MEP1A: variants seen among roughly 807,000 people sequenced by gnomAD.
The protein encoded by MEP1A is N-benzoyl-L-tyrosyl-P-amino-benzoic acid hydrolase subunit alpha.
MEP1A carries 68 observed loss-of-function variants against 84.5 expected under a neutral mutation model. The observed-to-expected ratio is 0.80, with a 90% CI of 0.66 to 0.98. The LOEUF (loss-of-function observed/expected upper bound fraction) is 0.98, where lower values mean the gene tolerates loss of function less well. Among genes scored for constraint, MEP1A ranks in the 50% least tolerant of loss-of-function variants. The pLI, the probability that MEP1A is intolerant of heterozygous loss-of-function variation, is 0.00. For missense variants in MEP1A, 887 were observed against 919.9 expected (o/e 0.96, Z 0.46); for synonymous variants, 337 against 336.8 (o/e 1.00, Z -0.01).
At chr6:46,828,936 C>T (rs1768010899) in intron 9 of MEP1A, among the ~76,000 whole-genome samples, 1 of 152,136 alleles carries the variant, frequency 6.6e-6, no homozygotes, top group Non-Finnish European at 1.5e-5. Flanking sequence ...AAACCAAATC[C>T]TAAATCTTTG....
intron 6 of MEP1A, 85 bp from the exon 7 acceptor site, chr6:46,819,444 C>T (rs1037892437): frequency 1.5e-5 from 16 of 1,100,420 alleles, no homozygotes; most frequent in East Asian, 2.5e-5. Flanking sequence ...GCCTAATTTC[C>T]TCCTAATTTG....
chr6:46,809,273 G>C (rs1767433245), intron 5 of MEP1A, 147 bp from the exon 6 acceptor site: 1 of 556,136 alleles, frequency 1.8e-6, no homozygotes, highest in South Asian at 3.1e-5. Context: ...TGCAGTTTTA[G>C]TTACCAGGAA....
chr6:46,807,770 G>GGAATGAAA, intron 5 of MEP1A, among the ~76,000 whole-genome samples: 1 of 97,316 alleles, frequency 1.0e-5, no homozygotes, highest in Admixed American at 1.2e-4. Flanking sequence ...AAGGGAGAAA[G>GGAATGAAA]GAAAGAAAGA....
chr6:46,809,668 T>C lies in MEP1A; in HGVS notation c.380+131T>C, dbSNP rs567693134. ...GTCCTCATAACTTAGCTCCCACATA[T>C]GAGTGAGAACATACAATGTTTGTTT... is the stretch of plus-strand genomic sequence containing the variant. On this transcript the variant is annotated intron_variant, in intron 6 of 13. Transcript: ENST00000230588. The C allele has an allele frequency of 9.7e-6, 6 of 618,596 alleles. No homozygotes were observed. The East Asian group carries it at 1.4e-4, about 14-fold the overall frequency. The allele number at this position is 618,596 out of a possible 1,614,324, so 38.3% of individuals were successfully genotyped here.
intron 3 of MEP1A, among the ~76,000 whole-genome samples, chr6:46,797,808 T>TTCTTTC (rs779023670): frequency 1.7e-5 from 1 of 59,186 alleles, no homozygotes; most frequent in Non-Finnish European, 3.5e-5. Flanking sequence ...CTTTCTTTCT[T>TTCTTTC]TCTTTCTTTC....
At chr6:46,826,173 G>A (rs968333767) in intron 8 of MEP1A, among the ~76,000 whole-genome samples, 181 bp from the exon 9 acceptor site, 5 of 152,120 alleles carry the variant, frequency 3.3e-5, no homozygotes, top group African/African-American at 1.2e-4. Context: ...GTAGGGCTGT[G>A]TCTATATATT....
At chr6:46,832,539 A>T (rs1768100610) in intron 10 of MEP1A, among the ~76,000 whole-genome samples, 1 of 152,198 alleles carries the variant, frequency 6.6e-6, no homozygotes, top group South Asian at 2.1e-4. Flanking sequence ...TAATATAAGG[A>T]AGAGAAAAAA....
At chr6:46,832,996 T>A (rs1768109371) in intron 10 of MEP1A, 78 bp from the exon 11 acceptor site, 4 of 772,618 alleles carry the variant, frequency 5.2e-6, no homozygotes, top group African/African-American at 1.7e-5. Flanking sequence ...GGAAAGCACA[T>A]GGCACTGTGC....
chr6:46,830,233 A>T (rs1426604852), intron 10 of MEP1A, among the ~76,000 whole-genome samples: 1 of 118,578 alleles, frequency 8.4e-6, no homozygotes, highest in Non-Finnish European at 1.6e-5. Context: ...CTGGTGACAG[A>T]GCAAGACTCC....
At chr6:46,804,184 C>T (rs1042558993) in intron 5 of MEP1A, among the ~76,000 whole-genome samples, 1 of 151,608 alleles carries the variant, frequency 6.6e-6, no homozygotes, top group Admixed American at 6.6e-5. Context: ...TCCTTTAGCA[C>T]TTCTTATAAA....
chr6:46,793,949 C>T (rs1172708835), intron 3 of MEP1A, among the ~76,000 whole-genome samples: 1 of 152,102 alleles, frequency 6.6e-6, no homozygotes, highest in Non-Finnish European at 1.5e-5. Context: ...AAATATGTAA[C>T]AAGTTTCTCT....
intron 13 of MEP1A, among the ~76,000 whole-genome samples, chr6:46,837,501 T>A (rs1158583046): frequency 6.6e-6 from 1 of 152,222 alleles, no homozygotes; most frequent in African/African-American, 2.4e-5. Context: ...TGGTTCCTTT[T>A]ACTGGGGAAG....
At chr6:46,824,736 G>A (rs9381483) in intron 7 of MEP1A, among the ~76,000 whole-genome samples, 732 of 57,572 alleles carry the variant, frequency 0.013, 3 homozygotes, top group African/African-American at 0.033. Flanking sequence ...TATAAATTAT[G>A]TATTTAAATA....
intron 3 of MEP1A, 114 bp from the exon 4 acceptor site, chr6:46,798,492 C>T (rs1767116953): frequency 4.4e-6 from 4 of 905,340 alleles, no homozygotes; most frequent in African/African-American, 1.7e-5. Flanking sequence ...AGTTTTGCCA[C>T]ATAAAGATTA....
chr6:46,797,761 T>C (rs1051530753), intron 3 of MEP1A, among the ~76,000 whole-genome samples: 2 of 151,518 alleles, frequency 1.3e-5, no homozygotes, highest in African/African-American at 4.9e-5. Context: ...CTCTCAATAG[T>C]CTTTCTTTCT....
At chr6:46,809,341 G>C in intron 5 of MEP1A, 79 bp from the exon 6 acceptor site, 2 of 855,704 alleles carry the variant, frequency 2.3e-6, no homozygotes, top group South Asian at 4.2e-5. Flanking sequence ...GTGGCAGCAT[G>C]GTTTTCTCTA....
At chr6:46,841,684 G>A (rs1012638166), downstream of MEP1A, among the ~76,000 whole-genome samples, 4 of 152,096 alleles carry the variant, frequency 2.6e-5, no homozygotes, top group Admixed American at 6.5e-5. Context: ...CCATATCCTC[G>A]ATACATCCCC....
rs368312317 is a variant in MEP1A, at chr6:46,831,546, C to T, written c.1145-1528C>T. ...GGGCAGCCCTGTGGAAGCATGTAAACGAAACCATCTTAATAATTTCATAGA... is the reference window on the plus strand; with the variant it reads ...GGGCAGCCCTGTGGAAGCATGTAAATGAAACCATCTTAATAATTTCATAGA... On this transcript the variant is annotated intron_variant, in intron 10 of 13. Transcript: ENST00000230588. Among the ~76,000 whole-genome samples, 37 of 152,264 alleles carry T rather than the reference C, an allele frequency of 2.4e-4. 2 individuals carry two copies. The highest frequency in any genetic ancestry group is 1.7e-3 in the East Asian group (9 of 5,184).
chr6:46,836,091 A>G (rs1463775737), intron 13 of MEP1A, among the ~76,000 whole-genome samples: 1 of 152,174 alleles, frequency 6.6e-6, no homozygotes, highest in African/African-American at 2.4e-5. Flanking sequence ...ATTCATTCTC[A>G]CTGCCACCTG....
Sources: gnomAD v4.1 joint callset for allele counts (sites outside exome capture counted in the v4.1 genomes callset) on GRCh38, gnomAD v4.1.1 for gene constraint, MANE v1.5 for transcripts, NCBI Gene and HGNC (gene_info 2026-07-23, HGNC 2026-07-21) for gene names.